Variants in TRABD2B observed in about 807,000 individuals in gnomAD.
TRABD2B encodes the protein metalloprotease TIKI2.
TRABD2B carries 14 observed loss-of-function variants against 40.1 expected under a neutral mutation model. The ratio of observed to expected loss-of-function variants is 0.35; its 90% CI spans 0.23 to 0.55. The LOEUF (loss-of-function observed/expected upper bound fraction) is 0.55, where lower values mean the gene tolerates loss of function less well. Among genes scored for constraint, TRABD2B ranks in the 20% least tolerant of loss-of-function variants. TRABD2B has a pLI of 0.90. For missense variants in TRABD2B, 541 were observed against 648.6 expected (o/e 0.83, Z 1.80); for synonymous variants, 263 against 277.0 (o/e 0.95, Z 0.50).
chr1:47,912,212 ATAAAC>A (rs1353622267), intron 2 of TRABD2B, among the ~76,000 whole-genome samples: 4 of 152,244 alleles, frequency 2.6e-5, no homozygotes, highest in African/African-American at 9.6e-5. Context: ...GCCACAAGAT[ATAAAC>A]TAATCTATTT....
At chr1:47,929,302 C>T (rs1645009461) in intron 2 of TRABD2B, among the ~76,000 whole-genome samples, 1 of 152,144 alleles carries the variant, frequency 6.6e-6, no homozygotes, top group African/African-American at 2.4e-5. Flanking sequence ...CTTTGCCTCT[C>T]CCTGGTCCTC....
Position 47,866,427 on chromosome 1 carries a change from T to C in TRABD2B, c.667-64808A>G, listed in dbSNP as rs1197346837. Among the ~76,000 whole-genome samples the C allele has an allele frequency of 2.0e-5, 3 of 152,172 alleles. No individual in the cohort carries two copies. In the East Asian group the frequency reaches 5.8e-4, roughly 29 times the overall value. ...ACTTTAGGCATCTTGACCATTTCTCTACACCCTACCCTTTTTCAGAGGGTC... is the reference window on the plus strand; with the variant it reads ...ACTTTAGGCATCTTGACCATTTCTCCACACCCTACCCTTTTTCAGAGGGTC... On this transcript the variant is annotated intron_variant, in intron 2 of 6. Transcript: ENST00000606738.
intron 2 of TRABD2B, among the ~76,000 whole-genome samples, chr1:47,932,242 A>C (rs1171756067): frequency 2.0e-5 from 3 of 152,176 alleles, no homozygotes; most frequent in Non-Finnish European, 4.4e-5. Context: ...CATCAGTGGA[A>C]TGCCAACATG....
chr1:47,935,327 C>T (rs1029073102), intron 2 of TRABD2B, among the ~76,000 whole-genome samples: 1 of 152,164 alleles, frequency 6.6e-6, no homozygotes, highest in African/African-American at 2.4e-5. Context: ...AATAATGGAG[C>T]TGGACTTAAA....
intron 2 of TRABD2B, among the ~76,000 whole-genome samples, chr1:47,938,478 G>A (rs1557668314): frequency 6.6e-6 from 1 of 152,196 alleles, no homozygotes; most frequent in African/African-American, 2.4e-5. Flanking sequence ...AGGAAGCAGT[G>A]GTAGAAGGCA....
chr1:47,769,063 G>T lies in TRABD2B; in HGVS notation c.1350-2957C>A, dbSNP rs536371623. 2.1e-4 allele frequency among the ~76,000 whole-genome samples: 32 copies of T among 152,286 alleles called. 1 individual carries two copies. The South Asian group carries it at 6.6e-3, about 32-fold the overall frequency. On this transcript the variant is annotated intron_variant, in intron 6 of 6. Transcript: ENST00000606738. The stretch of plus-strand genomic sequence containing the variant: ...ACCCGCAGATGGAGGCTTGCCAGGC[G>T]GGGACACTGAGGCCTCATCTGGCCT...
intron 4 of TRABD2B, among the ~76,000 whole-genome samples, chr1:47,787,102 C>G (rs1644606389): frequency 6.6e-6 from 1 of 152,170 alleles, no homozygotes; most frequent in Non-Finnish European, 1.5e-5. Context: ...CTGACGCCAC[C>G]AAGTGAAGAA....
intron 2 of TRABD2B, among the ~76,000 whole-genome samples, chr1:47,856,422 G>C (rs1180972260): frequency 6.6e-6 from 1 of 152,250 alleles, no homozygotes; most frequent in Non-Finnish European, 1.5e-5. Context: ...AATAATGAAA[G>C]GGCTGGGTGG....
chr1:47,799,046 A>G lies in TRABD2B; in HGVS notation c.813+2427T>C, dbSNP rs770943090. 2.6e-5 allele frequency among the ~76,000 whole-genome samples: 4 copies of G among 152,164 alleles called. No individual in the cohort carries two copies. The South Asian group carries it at 8.3e-4, about 31-fold the overall frequency. ...CTTCTGTCCCACTTCAAGTACGGGA[A>G]CTGTTGGGAGACCTCTGAGGCAGTT... On this transcript the variant is annotated intron_variant, in intron 3 of 6. Coordinates refer to ENST00000606738, the MANE Select transcript of TRABD2B (RefSeq NM_001194986.2).
intron 2 of TRABD2B, among the ~76,000 whole-genome samples, chr1:47,929,781 C>CCTGTGGACCAATGCACA (rs1553166262): frequency 2.0e-5 from 3 of 152,164 alleles, no homozygotes; most frequent in African/African-American, 7.2e-5. Context: ...GCACACTAAA[C>CCTGTGGACCAATGCACA]CTGGTGTGGA....
chr1:47,836,242 C>G (rs939442546), intron 2 of TRABD2B, among the ~76,000 whole-genome samples: 1 of 152,106 alleles, frequency 6.6e-6, no homozygotes, highest in Admixed American at 6.6e-5. Flanking sequence ...TCTTAGTTTC[C>G]TTATCTTTCA....
At chr1:47,962,246 G>T (rs7414432) in intron 2 of TRABD2B, among the ~76,000 whole-genome samples, 2 of 152,056 alleles carry the variant, frequency 1.3e-5, no homozygotes, top group Non-Finnish European at 2.9e-5. Flanking sequence ...ATAGCATTAG[G>T]AGATATACCT....
intron 4 of TRABD2B, among the ~76,000 whole-genome samples, chr1:47,785,129 T>G (rs1448580701): frequency 2.0e-5 from 3 of 152,262 alleles, no homozygotes; most frequent in Non-Finnish European, 2.9e-5. Flanking sequence ...AGTTCTGGGT[T>G]GCAGTAACAT....
intron 2 of TRABD2B, among the ~76,000 whole-genome samples, chr1:47,977,664 C>T (rs868437939): frequency 7.6e-6 from 1 of 131,654 alleles, no homozygotes; most frequent in East Asian, 2.2e-4. Context: ...TTCTTGAGCA[C>T]AAGAATGGCC....
intron 2 of TRABD2B, among the ~76,000 whole-genome samples, chr1:47,858,926 G>A (rs1461428280): frequency 1.3e-5 from 2 of 152,126 alleles, no homozygotes; most frequent in African/African-American, 4.8e-5. Flanking sequence ...AACCATGGTG[G>A]CTTAGTCAAG....
At chr1:47,933,479 G>T in intron 2 of TRABD2B, among the ~76,000 whole-genome samples, 1 of 152,230 alleles carries the variant, frequency 6.6e-6, no homozygotes, top group South Asian at 2.1e-4. Context: ...TCTCACATAT[G>T]AGACTATGAA....
At chr1:47,902,043 A>G (rs975214869) in intron 2 of TRABD2B, among the ~76,000 whole-genome samples, 2 of 152,064 alleles carry the variant, frequency 1.3e-5, no homozygotes, top group African/African-American at 2.4e-5. Flanking sequence ...ACAACCTTCA[A>G]TTGGCCAGCA....
intron 2 of TRABD2B, among the ~76,000 whole-genome samples, chr1:47,834,856 A>G (rs182753901): frequency 7.9e-4 from 121 of 152,318 alleles, no homozygotes; most frequent in African/African-American, 2.5e-3. Context: ...CAAATTTTCA[A>G]CAAAAATATT....
Position 47,994,655 on chromosome 1 carries a change from G to A in TRABD2B, c.103-58C>T. ...GCCGAAGGCAACAGAGTAGAGTCAG[G>A]GTAGCCCAGAGGCACGTTGCAGAGG... On this transcript the variant is annotated intron_variant, in intron 1 of 6. Coordinates refer to ENST00000606738, the MANE Select transcript of TRABD2B (RefSeq NM_001194986.2). The surrounding 1 kb of genome is among the most constrained non-coding windows in gnomAD (Gnocchi z 6.7). The A allele has an allele frequency of 1.4e-6, 2 of 1,467,876 alleles. No homozygotes were observed. Among genetic ancestry groups the A allele is most frequent in the Admixed American group, 4.2e-5 (2 of 48,106 alleles). The allele number at this position is 1,467,876 out of a possible 1,614,324, so 90.9% of individuals were successfully genotyped here.
Sources: allele counts gnomAD v4.1 joint callset (sites outside exome capture counted in the v4.1 genomes callset), GRCh38; gene constraint gnomAD v4.1.1; non-coding constraint Gnocchi (gnomAD v3.1); transcripts MANE v1.5; gene names NCBI Gene and HGNC (gene_info 2026-07-23, HGNC 2026-07-21).